Variants in CCBE1 observed in about 807,000 individuals in gnomAD.
CCBE1 encodes collagen and calcium binding EGF domains 1.
CCBE1 carries 37 observed loss-of-function variants against 50.0 expected under a neutral mutation model. That is an observed-to-expected ratio of 0.74 (90% confidence interval 0.57 to 0.97). The LOEUF (loss-of-function observed/expected upper bound fraction) is 0.97, where lower values mean the gene tolerates loss of function less well. CCBE1 is among the 50% of genes least tolerant of loss of function. The pLI, the probability that CCBE1 is intolerant of heterozygous loss-of-function variation, is 0.00. For missense variants in CCBE1, 538 were observed against 523.8 expected, an observed-to-expected ratio of 1.03 and a Z score of -0.26; for synonymous variants, 234 against 203.7, an observed-to-expected ratio of 1.15 and a Z score of -1.27.
chr18:59,612,233 T>C (rs1431511204), intron 2 of CCBE1, among the ~76,000 whole-genome samples: 1 of 145,708 alleles, frequency 6.9e-6, no homozygotes, highest in Non-Finnish European at 1.5e-5. Flanking sequence ...ACATGGCACA[T>C]GTATACATAT....
rs1049154714 is a variant in CCBE1 at position 59,434,885 on chromosome 18, T to G, written c.*1023A>C. On this transcript the variant is annotated 3_prime_UTR_variant, in exon 11 of 11. Transcript: ENST00000439986. ...TACCTACCGCTGCTGATGGCATTAG[T>G]GAGGTCAGCCCAAGCCAGCAACCTC... 1 of 152,162 alleles carries G rather than the reference T, an allele frequency of 6.6e-6. No individual in the cohort carries two copies. The highest frequency in any genetic ancestry group is 1.9e-4 in the East Asian group (1 of 5,194). The allele number at this position is 152,162 out of a possible 1,614,324, so 9.4% of individuals were successfully genotyped here.
At chr18:59,527,368 T>C (rs1470779711) in intron 2 of CCBE1, among the ~76,000 whole-genome samples, 1 of 152,232 alleles carries the variant, frequency 6.6e-6, no homozygotes. Flanking sequence ...TTTTTCTCCA[T>C]TATTTTGAGC....
intron 2 of CCBE1, among the ~76,000 whole-genome samples, chr18:59,552,843 G>C (rs770067794): frequency 2.6e-5 from 4 of 152,144 alleles, no homozygotes; most frequent in Non-Finnish European, 5.9e-5. Context: ...TGAATGTTTC[G>C]ATTTGGTTAA....
chr18:59,660,478 A>T (rs1279672467), intron 2 of CCBE1, among the ~76,000 whole-genome samples: 1 of 152,166 alleles, frequency 6.6e-6, no homozygotes, highest in Admixed American at 6.5e-5. Context: ...TGCTCTTTTC[A>T]GAATATTCCC....
intron 2 of CCBE1, among the ~76,000 whole-genome samples, chr18:59,491,451 A>G (rs986371513): frequency 1.3e-5 from 2 of 152,162 alleles, no homozygotes; most frequent in African/African-American, 4.8e-5. Flanking sequence ...GTATTTTCTA[A>G]GTTTGTTTAA....
chr18:59,495,608 C>CTTT (rs572061962), intron 2 of CCBE1, among the ~76,000 whole-genome samples: 8 of 138,336 alleles, frequency 5.8e-5, no homozygotes, highest in African/African-American at 2.1e-4. Flanking sequence ...GGGTGCTTGC[C>CTTT]TTTTTTTTTT....
chr18:59,611,737 C>A (rs1476485650), intron 2 of CCBE1, among the ~76,000 whole-genome samples: 1 of 151,850 alleles, frequency 6.6e-6, no homozygotes, highest in Admixed American at 6.5e-5. Context: ...CAGAGTGCAA[C>A]TCTGTCTTAA....
rs79567901 is a variant in CCBE1, at chr18:59,647,712, C to T, written c.212+48917G>A. 4.2e-3 allele frequency among the ~76,000 whole-genome samples: 646 copies of T among 152,228 alleles called. 8 individuals are homozygous for T. The highest frequency in any genetic ancestry group is 0.015 in the African/African-American group (628 of 41,528). ...AAAATGTGCAATGTTCATCTAGGTA[C>T]TTATAAGGAGAGAAGGACAGAATTT... is the stretch of plus-strand genomic sequence containing the variant. On this transcript the variant is annotated intron_variant, in intron 2 of 10. Coordinates refer to ENST00000439986, the MANE Select transcript of CCBE1 (RefSeq NM_133459.4).
chr18:59,533,264 A>C (rs976015537), intron 2 of CCBE1, among the ~76,000 whole-genome samples: 1 of 152,218 alleles, frequency 6.6e-6, no homozygotes, highest in Admixed American at 6.5e-5. Flanking sequence ...TAGTGATATT[A>C]GAGGTAAGTG....
intron 2 of CCBE1, among the ~76,000 whole-genome samples, chr18:59,499,572 A>C (rs1479704486): frequency 6.6e-6 from 1 of 152,166 alleles, no homozygotes; most frequent in African/African-American, 2.4e-5. Context: ...TTGTGTAGGG[A>C]AACTCCCCCT....
At chr18:59,692,325 GTTTAAGTA>G (rs1432235270) in intron 2 of CCBE1, among the ~76,000 whole-genome samples, 1 of 152,178 alleles carries the variant, frequency 6.6e-6, no homozygotes, top group East Asian at 1.9e-4. Flanking sequence ...CAGCCCTATA[GTTTAAGTA>G]CCAATTGGAT....
chr18:59,499,285 T>G (rs182702657), intron 2 of CCBE1, among the ~76,000 whole-genome samples: 10 of 152,236 alleles, frequency 6.6e-5, no homozygotes, highest in Admixed American at 1.3e-4. Flanking sequence ...ATCCTGACAT[T>G]GTGGTGGGAG....
intron 2 of CCBE1, among the ~76,000 whole-genome samples, chr18:59,564,384 T>C (rs112287453): frequency 6.6e-6 from 1 of 152,238 alleles, no homozygotes; most frequent in Non-Finnish European, 1.5e-5. Flanking sequence ...CACACACACA[T>C]ATAAACACTG....
intron 2 of CCBE1, among the ~76,000 whole-genome samples, chr18:59,663,060 C>A (rs1189041899): frequency 6.6e-6 from 1 of 152,130 alleles, no homozygotes; most frequent in Non-Finnish European, 1.5e-5. Flanking sequence ...ATTACTTTAA[C>A]AAAGATTTAC....
At chr18:59,664,431 A>G (rs1428244403) in intron 2 of CCBE1, among the ~76,000 whole-genome samples, 1 of 152,162 alleles carries the variant, frequency 6.6e-6, no homozygotes, top group African/African-American at 2.4e-5. Flanking sequence ...AGAGATTGCT[A>G]TGGGAGAGAA....
chr18:59,641,937 T>C (rs765929873), intron 2 of CCBE1, among the ~76,000 whole-genome samples: 4 of 151,992 alleles, frequency 2.6e-5, no homozygotes, highest in Non-Finnish European at 5.9e-5. Flanking sequence ...ATACTTTACA[T>C]AAAAAAATTC....
intron 2 of CCBE1, among the ~76,000 whole-genome samples, chr18:59,681,398 A>G (rs1024220210): frequency 2.0e-5 from 3 of 152,238 alleles, no homozygotes; most frequent in African/African-American, 7.2e-5. Context: ...ATGTGTAAGA[A>G]ATTTTATGAG....
chr18:59,672,972 C>G (rs754755157), intron 2 of CCBE1, among the ~76,000 whole-genome samples: 2 of 151,900 alleles, frequency 1.3e-5, no homozygotes, highest in Middle Eastern at 3.2e-3. Context: ...CTCATGTAAC[C>G]AAGTACCACC....
chr18:59,497,362 C>T (rs1193074528), intron 2 of CCBE1, among the ~76,000 whole-genome samples: 1 of 152,164 alleles, frequency 6.6e-6, no homozygotes, highest in Non-Finnish European at 1.5e-5. Flanking sequence ...ACAGATCATA[C>T]TGAGTAATAT....
Sources: allele counts gnomAD v4.1 joint callset (sites outside exome capture counted in the v4.1 genomes callset), GRCh38; gene constraint gnomAD v4.1.1; transcripts MANE v1.5; gene names NCBI Gene and HGNC (gene_info 2026-07-23, HGNC 2026-07-21).